RXRG: variants seen among roughly 807,000 people sequenced by gnomAD.
RXRG encodes retinoid X receptor gamma.
RXRG carries 19 observed loss-of-function variants against 49.2 expected under a neutral mutation model. The ratio of observed to expected loss-of-function variants is 0.39; its 90% CI spans 0.27 to 0.57. The LOEUF (loss-of-function observed/expected upper bound fraction) is 0.57, where lower values mean the gene tolerates loss of function less well. Ranked by LOEUF, RXRG falls within the 20% of genes least tolerant of loss-of-function variation. RXRG has a pLI of 0.64. For synonymous variants in RXRG, 224 were observed against 216.6 expected, an observed-to-expected ratio of 1.03 and a Z score of -0.30; for missense variants, 452 against 592.5, an observed-to-expected ratio of 0.76 and a Z score of 2.46.
At chr1:165,442,277 T>G (rs540522477) in intron 1 of RXRG, among the ~76,000 whole-genome samples, 2 of 152,320 alleles carry the variant, frequency 1.3e-5, no homozygotes, top group African/African-American at 4.8e-5. Flanking sequence ...CAGACCTCCC[T>G]GCAGACGGGG....
At chr1:165,422,981 G>A (rs1009795597) in intron 2 of RXRG, among the ~76,000 whole-genome samples, 1 of 152,170 alleles carries the variant, frequency 6.6e-6, no homozygotes, top group African/African-American at 2.4e-5. Context: ...TCACCTCCTT[G>A]GCCAGGAGCC....
At chr1:165,412,887 T>A (rs1291933236) in intron 4 of RXRG, among the ~76,000 whole-genome samples, 1 of 152,242 alleles carries the variant, frequency 6.6e-6, no homozygotes, top group Non-Finnish European at 1.5e-5. Context: ...AAATGTTGAA[T>A]GCTTCTTGTA....
intron 4 of RXRG, among the ~76,000 whole-genome samples, chr1:165,412,834 G>A (rs186993783): frequency 1.3e-5 from 2 of 152,194 alleles, no homozygotes; most frequent in East Asian, 3.9e-4. Flanking sequence ...ACAACATGTA[G>A]AAACTATAAT....
intron 6 of RXRG, 140 bp from the exon 7 acceptor site, chr1:165,409,830 G>T: frequency 5.1e-6 from 4 of 777,476 alleles, no homozygotes; most frequent in African/African-American, 3.6e-5. Context: ...AGTTCAAGAT[G>T]ACACAGTTCA....
At chr1:165,430,321 G>T (rs1658629299) in intron 1 of RXRG, among the ~76,000 whole-genome samples, 1 of 152,234 alleles carries the variant, frequency 6.6e-6, no homozygotes, top group Middle Eastern at 3.2e-3. Flanking sequence ...ACTGTCCTAA[G>T]CCTTTGGGCA....
rs187034659 is a variant in RXRG, at chr1:165,423,865, A to G, written c.298-3851T>C. The stretch of plus-strand genomic sequence containing the variant: ...AAATCATCAGACGAGATGAACTTTA[A>G]GGTCTATTCCAGCTCTAACATTTGC... On this transcript the variant is annotated intron_variant, in intron 2 of 9. Transcript: ENST00000359842. Among the ~76,000 whole-genome samples the G allele has an allele frequency of 1.6e-4, 25 of 152,348 alleles. 1 individual carries two copies. In the East Asian group the frequency reaches 4.0e-3, roughly 25 times the overall value.
intron 9 of RXRG, among the ~76,000 whole-genome samples, chr1:165,403,180 T>G (rs1428188479): frequency 2.0e-5 from 3 of 152,248 alleles, no homozygotes; most frequent in African/African-American, 7.2e-5. Context: ...TACTTCTCTC[T>G]GTGACATTTT....
intron 1 of RXRG, among the ~76,000 whole-genome samples, chr1:165,442,995 T>C (rs1287254091): frequency 6.6e-6 from 1 of 152,198 alleles, no homozygotes; most frequent in Non-Finnish European, 1.5e-5. Flanking sequence ...TCTGGAAGTG[T>C]TCTGCAGCTC....
intron 2 of RXRG, among the ~76,000 whole-genome samples, chr1:165,423,078 A>T (rs1478516174): frequency 6.6e-6 from 1 of 152,134 alleles, no homozygotes; most frequent in Non-Finnish European, 1.5e-5. Context: ...TCATGAGTGG[A>T]TAGTGGCAGG....
chr1:165,428,932 G>C lies in RXRG; in HGVS notation c.84C>G (p.Ser28Arg). The change falls in exon 2 of 10, where the codon AGC becomes AGG. Residue 28 changes from serine (S) to arginine (R), a missense_variant. This residue lies in a region of RXRG where 166 missense variants were observed against 151.7 expected (regional missense o/e 1.09). Coordinates refer to ENST00000359842, the MANE Select transcript of RXRG (RefSeq NM_006917.5). ...TCCCTGTGGACAAGGCTGCTGATGG[G>C]CTCATGGATGTAGAGCCAGTGTGGC... ...SPGHTGSTSM[S>R]PSAALSTGKP... 1 of 1,613,532 alleles carries C rather than the reference G, an allele frequency of 6.2e-7. No homozygotes were observed. Among genetic ancestry groups the C allele is most frequent in the Non-Finnish European group, 8.5e-7 (1 of 1,179,894 alleles).
chr1:165,410,010 G>A (rs1441395736), intron 6 of RXRG, among the ~76,000 whole-genome samples: 2 of 151,822 alleles, frequency 1.3e-5, no homozygotes, highest in Non-Finnish European at 2.9e-5. Context: ...TAGTCACTAT[G>A]TTAGCTGCCA....
At chr1:165,416,968 T>C in intron 4 of RXRG, 73 bp downstream of exon 4, 3 of 1,422,106 alleles carry the variant, frequency 2.1e-6, no homozygotes, top group East Asian at 2.3e-5. Flanking sequence ...TTCTCGTGTA[T>C]TGCAGTTGAA....
In RXRG at chr1:165,410,878, A is replaced by G. The variant is rs151134508; in HGVS notation, c.784-47T>C. 248 of 1,613,718 alleles carry G rather than the reference A, an allele frequency of 1.5e-4. 2 individuals are homozygous for G. In the African/African-American group the frequency reaches 3.0e-3, roughly 20 times the overall value. ...GTGAGGCACAGGTCCCAGGACTCAAATACACCCCTTTCTCCCATTTCCAGC... is the reference window on the plus strand; with the variant it reads ...GTGAGGCACAGGTCCCAGGACTCAAGTACACCCCTTTCTCCCATTTCCAGC... On this transcript the variant is annotated intron_variant, in intron 5 of 9. Transcript: ENST00000359842.
Position 165,408,267 on chromosome 1 carries a change from C to T in RXRG, c.1098G>A (p.Ser366=), listed in dbSNP as rs375831015. Residue 366 remains serine (S), a synonymous_variant, in exon 8 of 10, where the codon TCG becomes TCA. Coordinates refer to ENST00000359842, the MANE Select transcript of RXRG (RefSeq NM_006917.5). ...SKMKDMQMDK[S]ELGCLRAIVL... is the part of the protein sequence containing the mutation. ...CAATGGCTCGCAGGCATCCCAGTTCCGACTTGTCCATCTGCATGTCTTTCA... is the reference window on the plus strand; with the variant it reads ...CAATGGCTCGCAGGCATCCCAGTTCTGACTTGTCCATCTGCATGTCTTTCA... The T allele has an allele frequency of 1.1e-5, 17 of 1,613,944 alleles. No homozygotes were observed. Among genetic ancestry groups the T allele is most frequent in the Admixed American group, 5.0e-5 (3 of 60,002 alleles).
At position 165,413,380 on chromosome 1, in the gene RXRG, T is replaced by C. The variant is rs114426777; in HGVS notation, c.623-2271A>G. On this transcript the variant is annotated intron_variant, in intron 4 of 9. Coordinates refer to ENST00000359842, the MANE Select transcript of RXRG (RefSeq NM_006917.5). Reference sequence around the variant, plus strand: ...AGCTCTTTCTCTGTGTCAGGAATTATGCTCAACATTTTAGATAGATTACAT... The same window carrying C: ...AGCTCTTTCTCTGTGTCAGGAATTACGCTCAACATTTTAGATAGATTACAT... Among the ~76,000 whole-genome samples, 444 of 152,364 alleles carry C rather than the reference T, an allele frequency of 2.9e-3. 1 individual carries two copies. The highest frequency in any genetic ancestry group is 0.01 in the African/African-American group (434 of 41,588).
Position 165,401,188 on chromosome 1 carries a change from G to A in RXRG, c.*75C>T. 1 of 1,436,828 alleles carries A rather than the reference G, an allele frequency of 7.0e-7. No homozygotes were observed. Among genetic ancestry groups the A allele is most frequent in the Admixed American group, 2.0e-5 (1 of 50,316 alleles). The allele number at this position is 1,436,828 out of a possible 1,614,324, so 89.0% of individuals were successfully genotyped here. The stretch of plus-strand genomic sequence containing the variant: ...GAAGGGGGTCAGGGTGGGAGGTGGA[G>A]GAAAGTGCAGGGTGGGGGTCCACAC... On this transcript the variant is annotated 3_prime_UTR_variant, in exon 10 of 10. Transcript: ENST00000359842.
At chr1:165,411,372 A>C (rs10918174) in intron 4 of RXRG, among the ~76,000 whole-genome samples, 2,572 of 152,250 alleles carry the variant, frequency 0.017, 80 homozygotes, top group African/African-American at 0.059. Flanking sequence ...TTTAAGCTTT[A>C]ATAAACTCTA....
intron 4 of RXRG, among the ~76,000 whole-genome samples, chr1:165,416,375 G>T (rs1309262912): frequency 2.0e-5 from 3 of 152,074 alleles, no homozygotes; most frequent in African/African-American, 7.2e-5. Context: ...TCTCATACTA[G>T]AATACCCAGC....
chr1:165,422,974 C>A (rs1328103746), intron 2 of RXRG, among the ~76,000 whole-genome samples: 2 of 152,232 alleles, frequency 1.3e-5, no homozygotes, highest in African/African-American at 2.4e-5. Context: ...TCCTTCCTCA[C>A]CTCCTTGGCC....
Sources: allele counts gnomAD v4.1 joint callset (sites outside exome capture counted in the v4.1 genomes callset), GRCh38; gene constraint gnomAD v4.1.1; regional missense constraint gnomAD v4.1.1; transcripts MANE v1.5; gene names NCBI Gene and HGNC (gene_info 2026-07-23, HGNC 2026-07-21).